The following NLRP8 variants were observed in gnomAD, a reference collection of about 807,000 sequenced individuals.
The protein encoded by NLRP8 is NLR family pyrin domain containing 8.
A neutral mutation model predicts 88.7 loss-of-function variants in NLRP8; 86 were observed. The ratio of observed to expected loss-of-function variants is 0.97; its 90% CI spans 0.81 to 1.16. The LOEUF (loss-of-function observed/expected upper bound fraction) is 1.16. Among genes scored for constraint, NLRP8 ranks in the 50% most tolerant of loss-of-function variants. The pLI, the probability that NLRP8 is intolerant of heterozygous loss-of-function variation, is 0.00. For synonymous variants in NLRP8, 504 were observed against 494.6 expected, an observed-to-expected ratio of 1.02 and a Z score of -0.25; for missense variants, 1,342 against 1,286.5, an observed-to-expected ratio of 1.04 and a Z score of -0.66.
rs771692151 is a variant in NLRP8, at chr19:55,948,117, C to T, written c.215C>T (p.Thr72Ile). The T allele has an allele frequency of 2.5e-6, 4 of 1,614,184 alleles. No individual in the cohort carries two copies. Among genetic ancestry groups the T allele is most frequent in the Non-Finnish European group, 3.4e-6 (4 of 1,180,018 alleles). The change falls in exon 1 of 10, where the codon ACC becomes ATC. Residue 72 changes from threonine to isoleucine, a missense_variant. Thr to Ile is a moderately conservative substitution (Grantham distance 89). Transcript: ENST00000291971. ...CTCAGTACTGGCACCATGCCCATCA[C>T]CTGGGACCAGGTCGAGACAGCCAGC...
chr19:55,950,827 C>G (rs1979062681), intron 1 of NLRP8, among the ~76,000 whole-genome samples: 1 of 152,228 alleles, frequency 6.6e-6, no homozygotes, highest in African/African-American at 2.4e-5. Context: ...CGCCTATAAT[C>G]CCAGCACTTT....
chr19:55,963,608 G>A (rs1306500776), intron 4 of NLRP8, among the ~76,000 whole-genome samples: 4 of 151,920 alleles, frequency 2.6e-5, no homozygotes, highest in Non-Finnish European at 4.4e-5. Flanking sequence ...GGAGTACAGT[G>A]GCATGATCAT....
intron 5 of NLRP8, among the ~76,000 whole-genome samples, 192 bp downstream of exon 5, chr19:55,966,572 G>C (rs1315396789): frequency 6.6e-6 from 1 of 152,102 alleles, no homozygotes; most frequent in Non-Finnish European, 1.5e-5. Context: ...GGAGGCTGAG[G>C]CGGGAGGATC....
At position 55,976,212 on chromosome 19, in the gene NLRP8, C is replaced by T; in HGVS notation, c.2785C>T (p.Leu929Phe). Residue 929 changes from leucine (L) to phenylalanine (F), a missense_variant, in exon 8 of 10, where the codon CTT (leucine) becomes TTT (phenylalanine). Leu to Phe is a conservative substitution (Grantham distance 22). Transcript: ENST00000291971. ...CTGTAAAAATAAAACCCTGAAAAGT[C>T]TTGACCTAAGTTTTAATAGCCTGAA... The T allele has an allele frequency of 6.2e-7, 1 of 1,613,774 alleles. No homozygotes were observed. The highest frequency in any genetic ancestry group is 8.5e-7 in the Non-Finnish European group (1 of 1,179,930).
intron 1 of NLRP8, among the ~76,000 whole-genome samples, chr19:55,951,832 C>G (rs1426995829): frequency 6.6e-6 from 1 of 152,194 alleles, no homozygotes; most frequent in Non-Finnish European, 1.5e-5. Context: ...TCCCTTCAGC[C>G]TCTGCCTCCT....
chr19:55,966,513 A>G, intron 5 of NLRP8, 133 bp downstream of exon 5: 1 of 901,332 alleles, frequency 1.1e-6, no homozygotes, highest in East Asian at 2.7e-5. Context: ...CTTTAAAAGT[A>G]CAATTTGGGC....
intron 4 of NLRP8, among the ~76,000 whole-genome samples, chr19:55,963,900 G>T (rs8099981): frequency 6.6e-6 from 1 of 152,076 alleles, no homozygotes; most frequent in South Asian, 2.1e-4. Flanking sequence ...GTTGCCCACC[G>T]TCTGCTAGGC....
chr19:55,976,064 G>A (rs306483), intron 7 of NLRP8, 69 bp from the exon 8 acceptor site: 544,827 of 1,273,322 alleles, frequency 0.43, 114,197 homozygotes, highest in Non-Finnish European at 0.45. Context: ...GGGTGTTTTC[G>A]TTGTTGTTGT....
Position 55,955,365 on chromosome 19 carries a change from C to T in NLRP8, c.1307C>T (p.Pro436Leu). ...GTCCGGTATATTTCTAGCTTGTTTC[C>T]CACCAGAGCTGAGAACTTTTCCAGA... Residue 436 changes from proline (P) to leucine (L), a missense_variant, in exon 3 of 10, where the codon CCC becomes CTC. Pro to Leu is a moderately conservative substitution (Grantham distance 98). Coordinates refer to ENST00000291971, the MANE Select transcript of NLRP8 (RefSeq NM_176811.2). 1 of 1,614,134 alleles carries T rather than the reference C, an allele frequency of 6.2e-7. No individual in the cohort carries two copies. The highest frequency in any genetic ancestry group is 8.5e-7 in the Non-Finnish European group (1 of 1,180,028).
At position 55,949,703 on chromosome 19, in the gene NLRP8, C is replaced by T. The variant is rs544919260; in HGVS notation, c.367+1434C>T. ...CATGATAGGAGCTGTGAACCCGCCTCTCCCAATAGCTGATATTACAAGTAG... is the reference window on the plus strand; with the variant it reads ...CATGATAGGAGCTGTGAACCCGCCTTTCCCAATAGCTGATATTACAAGTAG... On this transcript the variant is annotated intron_variant, in intron 1 of 9. Coordinates refer to ENST00000291971, the MANE Select transcript of NLRP8 (RefSeq NM_176811.2). 2.2e-4 allele frequency among the ~76,000 whole-genome samples: 33 copies of T among 150,954 alleles called. 1 individual carries two copies. The highest frequency in any genetic ancestry group is 7.3e-4 in the African/African-American group (30 of 41,048).
At chr19:55,971,442 A>C (rs907168024) in intron 6 of NLRP8, among the ~76,000 whole-genome samples, 2 of 129,624 alleles carry the variant, frequency 1.5e-5, no homozygotes, top group African/African-American at 6.2e-5. Context: ...CTCGTCTCAA[A>C]AAAAAAAAAA....
At position 55,948,163 on chromosome 19, in the gene NLRP8, C is replaced by G. The variant is rs376239122; in HGVS notation, c.261C>G (p.Leu87=). 51 of 1,614,052 alleles carry G rather than the reference C, an allele frequency of 3.2e-5. No individual in the cohort carries two copies. In the African/African-American group the frequency reaches 6.1e-4, roughly 19 times the overall value. ...CCAGCTGGGCAGAGGTGGTTCATCT[C>G]TTGATAGAGCGTTTCCCTGGACGAC... is the stretch of plus-strand genomic sequence containing the variant. The change falls in exon 1 of 10, where the codon CTC becomes CTG. Residue 87 remains leucine (L), a synonymous_variant. Coordinates refer to ENST00000291971, the MANE Select transcript of NLRP8 (RefSeq NM_176811.2).
Position 55,953,792 on chromosome 19 carries a change from C to CTTTT in NLRP8, c.443-685_443-682dup, listed in dbSNP as rs35767678. 3.6e-4 allele frequency among the ~76,000 whole-genome samples: 20 copies of CTTTT among 55,246 alleles called. 2 individuals carry two copies. The highest frequency in any genetic ancestry group is 1.2e-3 in the African/African-American group (16 of 13,768). 36.2% of individuals were successfully genotyped at this position (55,246 alleles called of 152,430 possible). A position where few individuals can be genotyped will look rare whatever the true frequency, so the allele number is the denominator to read the frequency against. ...ACAGGCGTAAGCCACTGTGCCTGGC[C>CTTTT]TTTTTTTTTTTTTTTTTTTTTTTTT... On this transcript the variant is annotated intron_variant, in intron 2 of 9. Transcript: ENST00000291971.
At chr19:55,950,498 G>C (rs1449878421) in intron 1 of NLRP8, among the ~76,000 whole-genome samples, 3 of 152,038 alleles carry the variant, frequency 2.0e-5, no homozygotes, top group Non-Finnish European at 4.4e-5. Flanking sequence ...CTGTATTCGT[G>C]AATGTGCCTA....
In NLRP8 at chr19:55,955,734, T is replaced by C. The variant is rs1429950317; in HGVS notation, c.1676T>C (p.Leu559Ser). 1 of 1,614,102 alleles carries C rather than the reference T, an allele frequency of 6.2e-7. No homozygotes were observed. Residue 559 changes from leucine to serine, a missense_variant, in exon 3 of 10, where the codon TTA (leucine) becomes TCA (serine). By Grantham distance (145) the Leu-to-Ser change is moderately radical. Transcript: ENST00000291971. ...TATCTCTCTCACATGGGACTTTTCT[T>C]ATTCGGTTTTCTGAACGAGGCCTGC...
chr19:55,976,270 T>C lies in NLRP8; in HGVS notation c.2843T>C (p.Leu948Pro), dbSNP rs371443887. 3.2e-5 allele frequency: 52 copies of C among 1,612,262 alleles called. No individual in the cohort carries two copies. The highest frequency in any genetic ancestry group is 5.9e-6 in the Non-Finnish European group (7 of 1,179,528). ...GGGGTGATCCTGCTGTGTGAGGCCCTGAAGAACCCTGACTGTACATTACAG... is the reference window on the plus strand; with the variant it reads ...GGGGTGATCCTGCTGTGTGAGGCCCCGAAGAACCCTGACTGTACATTACAG... Residue 948 changes from leucine (L) to proline (P), a missense_variant, in exon 8 of 10, where the codon CTG (leucine) becomes CCG (proline). Coordinates refer to ENST00000291971, the MANE Select transcript of NLRP8 (RefSeq NM_176811.2).
Position 55,979,497 on chromosome 19 carries a change from G to T in NLRP8, c.2980G>T (p.Gly994Ter), listed in dbSNP as rs1184723742. 1 of 1,614,224 alleles carries T rather than the reference G, an allele frequency of 6.2e-7. No homozygotes were observed. The highest frequency in any genetic ancestry group is 1.1e-5 in the South Asian group (1 of 91,088). The stretch of plus-strand genomic sequence containing the variant: ...TCTGGACTTGAGCAAGAATGCGATT[G>T]GAGTCTATGGTATTCTGACCTTGTG... Residue 994 changes from glycine (G) to a stop codon, truncating the protein, a stop_gained, in exon 9 of 10, where the codon GGA becomes TGA. Transcript: ENST00000291971. LOFTEE classifies it high-confidence loss of function.
chr19:55,957,223 T>C (rs1010938993), intron 3 of NLRP8, among the ~76,000 whole-genome samples: 1 of 152,210 alleles, frequency 6.6e-6, no homozygotes, highest in Non-Finnish European at 1.5e-5. Context: ...AGGCAACCAC[T>C]GAGCTCTTGG....
At chr19:55,963,558 AT>A (rs1015321633) in intron 4 of NLRP8, among the ~76,000 whole-genome samples, 9 of 151,452 alleles carry the variant, frequency 5.9e-5, no homozygotes, top group African/African-American at 1.9e-4. Context: ...ACACTACTTC[AT>A]TTTTTTTCCA....
Sources: allele counts gnomAD v4.1 joint callset (sites outside exome capture counted in the v4.1 genomes callset), GRCh38; gene constraint gnomAD v4.1.1; transcripts MANE v1.5; gene names NCBI Gene and HGNC (gene_info 2026-07-23, HGNC 2026-07-21).